DENND1B: variants seen among roughly 807,000 people sequenced by gnomAD.
The protein encoded by DENND1B is DENN domain containing 1B.
In DENND1B, 59 loss-of-function variants were observed where a neutral mutation model predicts 90.1. That is an observed-to-expected ratio of 0.65 (90% CI 0.53 to 0.81). DENND1B has a LOEUF of 0.81. DENND1B is among the 40% of genes least tolerant of loss of function. The pLI, the probability that DENND1B is intolerant of heterozygous loss-of-function variation, is 0.00. For synonymous variants in DENND1B, 337 were observed against 324.6 expected, an observed-to-expected ratio of 1.04 and a Z score of -0.41; for missense variants, 862 against 912.6, an observed-to-expected ratio of 0.94 and a Z score of 0.71.
chr1:197,571,457 C>T (rs1444365600), intron 15 of DENND1B, among the ~76,000 whole-genome samples: 1 of 152,170 alleles, frequency 6.6e-6, no homozygotes, highest in Non-Finnish European at 1.5e-5. Flanking sequence ...ATTCTCTCTA[C>T]CTGTAACCAT....
At chr1:197,550,429 T>C (rs1277825025) in intron 16 of DENND1B, among the ~76,000 whole-genome samples, 1 of 152,078 alleles carries the variant, frequency 6.6e-6, no homozygotes. Context: ...AAGTACCTCC[T>C]TTGCTGGATT....
intron 15 of DENND1B, among the ~76,000 whole-genome samples, chr1:197,571,897 G>A (rs1443314809): frequency 6.6e-6 from 1 of 152,118 alleles, no homozygotes; most frequent in East Asian, 1.9e-4. Flanking sequence ...CAATAACATG[G>A]GATAAATGCT....
chr1:197,735,229 A>C, intron 2 of DENND1B: 1 of 1,061,500 alleles, frequency 9.4e-7, no homozygotes, highest in Non-Finnish European at 1.1e-6. Flanking sequence ...TCAATGAATT[A>C]GCAATCTGTA....
At chr1:197,584,003 A>G (rs955189028) in intron 14 of DENND1B, among the ~76,000 whole-genome samples, 2 of 152,204 alleles carry the variant, frequency 1.3e-5, no homozygotes, top group Admixed American at 6.5e-5. Flanking sequence ...CATTCAACAC[A>G]AACAAAGATA....
At chr1:197,650,873 T>A (rs1178778293) in intron 7 of DENND1B, among the ~76,000 whole-genome samples, 3 of 151,452 alleles carry the variant, frequency 2.0e-5, no homozygotes, top group African/African-American at 7.3e-5. Context: ...GGGAGAAGAG[T>A]GGGAGGGAGG....
chr1:197,713,829 A>ATAATATATTATATTATATTAT (rs1660278373), intron 3 of DENND1B, among the ~76,000 whole-genome samples: 1 of 27,580 alleles, frequency 3.6e-5, no homozygotes, highest in African/African-American at 1.8e-4. Flanking sequence ...AATATATTAT[A>ATAATATATTATATTATATTAT]TATAATATAT....
intron 16 of DENND1B, among the ~76,000 whole-genome samples, chr1:197,548,983 T>G (rs1671021839): frequency 6.6e-6 from 1 of 152,146 alleles, no homozygotes; most frequent in African/African-American, 2.4e-5. Context: ...AGGTTCCTAT[T>G]TCCACAATAT....
upstream of DENND1B, among the ~76,000 whole-genome samples, chr1:197,777,732 C>T (rs1193274850): frequency 6.6e-6 from 1 of 152,016 alleles, no homozygotes; most frequent in Non-Finnish European, 1.5e-5. Flanking sequence ...CAGGACCATA[C>T]CAGTCAAAGA....
At chr1:197,748,759 C>T (rs1653058851) in intron 2 of DENND1B, among the ~76,000 whole-genome samples, 1 of 152,124 alleles carries the variant, frequency 6.6e-6, no homozygotes, top group African/African-American at 2.4e-5. Context: ...CAGTGAGTAC[C>T]ATTTCAGCCT....
chr1:197,639,998 T>C (rs1293931668), intron 10 of DENND1B, among the ~76,000 whole-genome samples: 1 of 152,122 alleles, frequency 6.6e-6, no homozygotes, highest in East Asian at 1.9e-4. Flanking sequence ...AGAGGTGACA[T>C]CACCATCAAG....
intron 2 of DENND1B, among the ~76,000 whole-genome samples, chr1:197,749,705 T>C (rs1425555579): frequency 2.0e-5 from 3 of 152,030 alleles, no homozygotes; most frequent in Non-Finnish European, 4.4e-5. Flanking sequence ...AAATGGTAAA[T>C]AGTAGGTACA....
At chr1:197,553,251 T>C (rs750257891) in intron 15 of DENND1B, 139 bp from the exon 16 acceptor site, 1 of 638,166 alleles carries the variant, frequency 1.6e-6, no homozygotes, top group Non-Finnish European at 2.5e-6. Context: ...TACACATATA[T>C]GGTGTATATA....
intron 13 of DENND1B, among the ~76,000 whole-genome samples, chr1:197,602,240 G>C (rs2125826321): frequency 6.6e-6 from 1 of 151,586 alleles, no homozygotes; most frequent in African/African-American, 2.4e-5. Context: ...AAAGATAAAA[G>C]AAGTGTAATT....
At chr1:197,776,361 C>G (rs907217253), upstream of DENND1B, among the ~76,000 whole-genome samples, 2 of 152,164 alleles carry the variant, frequency 1.3e-5, no homozygotes, top group Non-Finnish European at 2.9e-5. Flanking sequence ...CCTCATATTG[C>G]CTGTCTCCCT....
intron 10 of DENND1B, among the ~76,000 whole-genome samples, chr1:197,640,004 T>A (rs1014341417): frequency 6.6e-6 from 1 of 152,150 alleles, no homozygotes; most frequent in African/African-American, 2.4e-5. Context: ...GACATCACCA[T>A]CAAGTTTTCA....
chr1:197,524,981 G>A (rs2125621383), intron 20 of DENND1B, among the ~76,000 whole-genome samples: 1 of 152,222 alleles, frequency 6.6e-6, no homozygotes, highest in African/African-American at 2.4e-5. Flanking sequence ...AAACACAGTA[G>A]TTTATAATTC....
chr1:197,624,418 A>C (rs1390985161), intron 10 of DENND1B, among the ~76,000 whole-genome samples: 5 of 151,652 alleles, frequency 3.3e-5, no homozygotes, highest in African/African-American at 9.7e-5. Context: ...ATGAAAATTT[A>C]CTCAAAATGA....
chr1:197,719,588 A>T (rs1462113133), intron 2 of DENND1B, among the ~76,000 whole-genome samples: 1 of 152,198 alleles, frequency 6.6e-6, no homozygotes, highest in Non-Finnish European at 1.5e-5. Context: ...TGGAGCTTTA[A>T]GGAGGAGGTA....
At chr1:197,679,745 T>C (rs918903350) in intron 3 of DENND1B, among the ~76,000 whole-genome samples, 1 of 149,876 alleles carries the variant, frequency 6.7e-6, no homozygotes, top group South Asian at 2.1e-4. Context: ...CTCATTAGTT[T>C]AAGAAAGAGA....
Sources: allele counts gnomAD v4.1 joint callset (sites outside exome capture counted in the v4.1 genomes callset), GRCh38; gene constraint gnomAD v4.1.1; transcripts MANE v1.5; gene names NCBI Gene and HGNC (gene_info 2026-07-23, HGNC 2026-07-21).